CLCN5: variants seen among roughly 807,000 people sequenced by gnomAD.
CLCN5 encodes H(+)/Cl(-) exchange transporter 5.
Under a neutral mutation model 54.0 loss-of-function variants are expected in CLCN5, and 17 were observed. That is an observed-to-expected ratio of 0.31 (90% CI 0.22 to 0.47). The LOEUF (loss-of-function observed/expected upper bound fraction) is 0.47, where lower values mean the gene tolerates loss of function less well. CLCN5 is among the 20% of genes least tolerant of loss of function. The pLI, the probability that CLCN5 is intolerant of heterozygous loss-of-function variation, is 1.00. For missense variants in CLCN5, 448 were observed against 646.7 expected (o/e 0.69, Z 3.33); for synonymous variants, 222 against 233.0 (o/e 0.95, Z 0.43).
intron 3 of CLCN5, among the ~76,000 whole-genome samples, chrX:49,982,357 G>A (rs1378646217): frequency 2.7e-5 from 3 of 109,700 alleles, no homozygotes; most frequent in African/African-American, 1.0e-4. Flanking sequence ...TTCAATTAAG[G>A]TTGCTGAGGG....
chrX:50,070,041 AG>A lies in CLCN5; in HGVS notation c.315+12del, dbSNP rs1557191355. 2 of 1,194,970 alleles carry A rather than the reference AG, an allele frequency of 1.7e-6. No homozygotes were observed. The highest frequency in any genetic ancestry group is 2.3e-6 in the Non-Finnish European group (2 of 882,964). Reference sequence around the variant, plus strand: ...GATAGGCACCGAGAGGTAAGACAAAAGATGGCACATGGGTAAGTGTTAGGAA... The same window carrying A: ...GATAGGCACCGAGAGGTAAGACAAAAATGGCACATGGGTAAGTGTTAGGAA... On this transcript the variant is annotated intron_variant, in intron 5 of 14. Coordinates refer to ENST00000376091, the MANE Select transcript of CLCN5 (RefSeq NM_001127898.4).
At chrX:50,002,510 A>G (rs1929885143) in intron 3 of CLCN5, among the ~76,000 whole-genome samples, 1 of 111,878 alleles carries the variant, frequency 8.9e-6, no homozygotes, top group African/African-American at 3.3e-5. Context: ...CTCTACTTTC[A>G]AAATACATGT....
At chrX:49,932,036 C>T (rs1303656501) in intron 3 of CLCN5, among the ~76,000 whole-genome samples, 1 of 111,627 alleles carries the variant, frequency 9.0e-6, no homozygotes, top group African/African-American at 3.3e-5. Flanking sequence ...CCACCTCAGC[C>T]TCCTGAGTAG....
At chrX:49,966,128 C>T (rs782174534) in intron 3 of CLCN5, among the ~76,000 whole-genome samples, 10 of 111,280 alleles carry the variant, frequency 9.0e-5, no homozygotes, top group Non-Finnish European at 1.9e-4. Flanking sequence ...TGGAGAACAA[C>T]TCTGTCACTA....
chrX:49,953,419 C>G (rs1557173471), intron 3 of CLCN5, among the ~76,000 whole-genome samples: 1 of 111,561 alleles, frequency 9.0e-6, no homozygotes, highest in Admixed American at 9.5e-5. Flanking sequence ...CATCCTCTTA[C>G]CTCAGACTCC....
intron 4 of CLCN5, among the ~76,000 whole-genome samples, chrX:50,053,180 G>C (rs1697748981): frequency 9.0e-6 from 1 of 111,552 alleles, no homozygotes; most frequent in African/African-American, 3.3e-5. Context: ...GTTGATAAAT[G>C]TCAATTATAT....
At position 50,080,037 on chromosome X, in the gene CLCN5, T is replaced by A. The variant is rs781814453; in HGVS notation, c.604-557T>A. Reference sequence around the variant, plus strand: ...TGTATATATATAAAACATCATGTTGTACACCTTAAATACATACAATAAAAA... The same window carrying A: ...TGTATATATATAAAACATCATGTTGAACACCTTAAATACATACAATAAAAA... On this transcript the variant is annotated intron_variant, in intron 7 of 14. Coordinates refer to ENST00000376091, the MANE Select transcript of CLCN5 (RefSeq NM_001127898.4). Among the ~76,000 whole-genome samples, 5 of 111,604 alleles carry A rather than the reference T, an allele frequency of 4.5e-5. 1 individual carries two copies.
chrX:50,025,560 C>G (rs1336671701), intron 3 of CLCN5, among the ~76,000 whole-genome samples: 1 of 112,237 alleles, frequency 8.9e-6, no homozygotes, highest in Non-Finnish European at 1.9e-5. Context: ...TTCAACATGC[C>G]TTAACTTTCT....
At chrX:50,087,469 C>T (rs1001782418) in intron 11 of CLCN5, among the ~76,000 whole-genome samples, 7 of 111,846 alleles carry the variant, frequency 6.3e-5, no homozygotes, top group African/African-American at 1.9e-4. Flanking sequence ...CAGGCTGGCA[C>T]GTTTTACTTT....
intron 3 of CLCN5, among the ~76,000 whole-genome samples, chrX:49,979,793 A>G (rs1557177452): frequency 1.8e-5 from 2 of 110,930 alleles, no homozygotes; most frequent in African/African-American, 6.5e-5. Context: ...TGGCTAAATC[A>G]AGCTAACTAA....
chrX:49,970,720 AT>A (rs1191259213), intron 3 of CLCN5, among the ~76,000 whole-genome samples: 3 of 112,155 alleles, frequency 2.7e-5, no homozygotes, highest in Non-Finnish European at 5.6e-5. Flanking sequence ...TACTATGAAC[AT>A]TCACACATAT....
chrX:50,072,507 G>A lies in CLCN5; in HGVS notation c.334G>A (p.Glu112Lys). 8.3e-7 allele frequency: 1 copy of A among 1,204,472 alleles called. No individual in the cohort carries two copies. Among genetic ancestry groups the A allele is most frequent in the Non-Finnish European group, 1.1e-6 (1 of 888,923 alleles). The change falls in exon 6 of 15, where the codon GAG (glutamate) becomes AAG (lysine). Residue 112 changes from glutamate (E) to lysine (K), a missense_variant. By Grantham distance (56) the Glu-to-Lys change is moderately conservative. Coordinates refer to ENST00000376091, the MANE Select transcript of CLCN5 (RefSeq NM_001127898.4). ...CCCCTAGATTACCAATAAAAGCAAA[G>A]AGTCAACATGGGCCTTAATTCACAG... Reference protein sequence around the residue: ...RHREITNKSKESTWALIHSVS... With the variant: ...RHREITNKSKKSTWALIHSVS...
At position 50,086,739 on chromosome X, in the gene CLCN5, C is replaced by T. The variant is rs782540790; in HGVS notation, c.1426C>T (p.Arg476Cys). ...CTCCAAGCTCTGTGATTATGAGAAC[C>T]GTTTCAACACAAGCAAAGGGGGTGA... ...DSSKLCDYENRFNTSKGGELP... is the reference protein window; with the variant it reads ...DSSKLCDYENCFNTSKGGELP... The change falls in exon 11 of 15, where the codon CGT becomes TGT. Residue 476 changes from arginine to cysteine, a missense_variant. By Grantham distance (180) the Arg-to-Cys change is radical (BLOSUM62 -3). Coordinates refer to ENST00000376091, the MANE Select transcript of CLCN5 (RefSeq NM_001127898.4). 1.2e-5 allele frequency: 15 copies of T among 1,208,853 alleles called. No homozygotes were observed. The African/African-American group carries it at 1.8e-4, about 14-fold the overall frequency.
chrX:50,046,670 T>G (rs1557187794), intron 4 of CLCN5, among the ~76,000 whole-genome samples: 5 of 111,351 alleles, frequency 4.5e-5, no homozygotes, highest in Non-Finnish European at 9.4e-5. Context: ...CACCATCAAA[T>G]GAACTAAAAG....
At position 49,960,738 on chromosome X, in the gene CLCN5, T is replaced by C. The variant is rs1277500653; in HGVS notation, c.16+35424T>C. ...CATTAATCATCTCCCTTCTCTCTCT[T>C]GTATCTTCAGTGTTTTTCTTAAAGA... On this transcript the variant is annotated intron_variant, in intron 3 of 14. Transcript: ENST00000376091. 2.7e-5 allele frequency among the ~76,000 whole-genome samples: 3 copies of C among 111,027 alleles called. No individual in the cohort carries two copies. The East Asian group carries it at 8.5e-4, about 32-fold the overall frequency.
rs781928361 is a variant in CLCN5, at chrX:50,065,757, C to A, written c.164-4122C>A. Among the ~76,000 whole-genome samples, 444 of 104,992 alleles carry A rather than the reference C, an allele frequency of 4.2e-3. 6 individuals are homozygous for A. Among genetic ancestry groups the A allele is most frequent in the African/African-American group, 0.014 (409 of 28,361 alleles). 91.2% of individuals were successfully genotyped at this position (104,992 alleles called of 115,157 possible). On this transcript the variant is annotated intron_variant, in intron 4 of 14. Transcript: ENST00000376091. Reference sequence around the variant, plus strand: ...ATTCACAATAGCAAAGACTTGGAACCAAGCCAAATGTCCAACAATGATAGA... The same window carrying A: ...ATTCACAATAGCAAAGACTTGGAACAAAGCCAAATGTCCAACAATGATAGA...
At chrX:50,076,390 G>T (rs1213932548) in intron 7 of CLCN5, among the ~76,000 whole-genome samples, 5 of 112,256 alleles carry the variant, frequency 4.5e-5, no homozygotes, top group African/African-American at 1.6e-4. Context: ...TTTTCCCTGA[G>T]CATTGCATTA....
At chrX:49,941,606 C>T (rs1450072200) in intron 3 of CLCN5, among the ~76,000 whole-genome samples, 9 of 110,840 alleles carry the variant, frequency 8.1e-5, no homozygotes, top group Non-Finnish European at 1.1e-4. Context: ...TCTGTGATCA[C>T]CAGCAAAGAT....
chrX:50,066,046 A>C (rs1332742017), intron 4 of CLCN5, among the ~76,000 whole-genome samples: 7 of 103,782 alleles, frequency 6.7e-5, no homozygotes, highest in Non-Finnish European at 1.4e-4. Flanking sequence ...TAGCATTGGG[A>C]GATATACCTA....
Sources: gnomAD v4.1 joint callset for allele counts (sites outside exome capture counted in the v4.1 genomes callset) on GRCh38, gnomAD v4.1.1 for gene constraint, MANE v1.5 for transcripts, NCBI Gene and HGNC (gene_info 2026-07-23, HGNC 2026-07-21) for gene names.